The following SAMMSON variants were observed in gnomAD, a reference collection of about 807,000 sequenced individuals.
SAMMSON encodes survival associated mitochondrial melanoma specific oncogenic non-coding RNA, also known as long intergenic non-protein coding RNA 1212.
intron 4 of SAMMSON, among the ~76,000 whole-genome samples, chr3:70,100,669 A>G (rs2067341136): frequency 6.6e-6 from 1 of 152,194 alleles, no homozygotes. Context: ...CGTGAATCTG[A>G]ACGATATGTT....
At chr3:70,190,971 G>C (rs1182431600) in intron 4 of SAMMSON, among the ~76,000 whole-genome samples, 1 of 152,180 alleles carries the variant, frequency 6.6e-6, no homozygotes, top group African/African-American at 2.4e-5. Flanking sequence ...CTGGCCCCTA[G>C]TATTGCCAAC....
intron 7 of SAMMSON, among the ~76,000 whole-genome samples, chr3:70,306,083 T>G (rs1471731043): frequency 1.3e-5 from 2 of 152,134 alleles, no homozygotes; most frequent in Admixed American, 1.3e-4. Flanking sequence ...CCTCCAAAAT[T>G]CACCTAAATA....
At chr3:70,131,793 G>T (rs140926401) in intron 4 of SAMMSON, among the ~76,000 whole-genome samples, 1 of 151,880 alleles carries the variant, frequency 6.6e-6, no homozygotes, top group East Asian at 1.9e-4. Flanking sequence ...TAAATTGCTC[G>T]TCTAGAACTC....
chr3:70,271,052 A>G (rs1257097187), intron 6 of SAMMSON, among the ~76,000 whole-genome samples: 2 of 152,146 alleles, frequency 1.3e-5, no homozygotes, highest in African/African-American at 4.8e-5. Flanking sequence ...AGAAATATTG[A>G]AAATAAAAAA....
intron 3 of SAMMSON, among the ~76,000 whole-genome samples, chr3:70,017,127 G>C (rs1403742060): frequency 6.6e-6 from 1 of 152,156 alleles, no homozygotes; most frequent in Non-Finnish European, 1.5e-5. Flanking sequence ...TGTGAAGAAA[G>C]TCATCGGTAG....
At chr3:70,039,002 T>C (rs1422135611) in intron 3 of SAMMSON, among the ~76,000 whole-genome samples, 1 of 152,080 alleles carries the variant, frequency 6.6e-6, no homozygotes, top group Non-Finnish European at 1.5e-5. Context: ...AGGGATGTGG[T>C]TATGTTATAT....
chr3:70,429,972 T>C (rs1701400957), intron 2 of SAMMSON, among the ~76,000 whole-genome samples: 1 of 152,220 alleles, frequency 6.6e-6, no homozygotes, highest in Non-Finnish European at 1.5e-5. Context: ...TTATCTTGCC[T>C]GATTGCCCTG....
intron 7 of SAMMSON, among the ~76,000 whole-genome samples, chr3:70,309,576 G>A (rs536748158): frequency 9.2e-4 from 140 of 152,262 alleles, no homozygotes; most frequent in African/African-American, 3.2e-3. Context: ...TGGCTGAGCT[G>A]AGATTTAGAA....
At chr3:70,417,731 C>T (rs1701277522) in intron 2 of SAMMSON, among the ~76,000 whole-genome samples, 1 of 152,046 alleles carries the variant, frequency 6.6e-6, no homozygotes, top group Non-Finnish European at 1.5e-5. Context: ...TGATTATAGA[C>T]ACTTTGATCA....
chr3:70,357,088 A>G (rs1269008060), intron 8 of SAMMSON, among the ~76,000 whole-genome samples: 1 of 152,128 alleles, frequency 6.6e-6, no homozygotes, highest in East Asian at 1.9e-4. Flanking sequence ...TGGTGGTGCT[A>G]TTACAAACTT....
At chr3:70,031,558 G>C (rs966425396) in intron 3 of SAMMSON, among the ~76,000 whole-genome samples, 2 of 152,136 alleles carry the variant, frequency 1.3e-5, no homozygotes, top group African/African-American at 4.8e-5. Context: ...TAACACACAG[G>C]AGAGGGTGAA....
chr3:70,126,322 A>G, intron 4 of SAMMSON: 1 of 1,193,556 alleles, frequency 8.4e-7, no homozygotes, highest in South Asian at 1.3e-5. Flanking sequence ...TCTTTTGCAA[A>G]TTCAAAGACT....
Position 70,345,798 on chromosome 3 carries a change from C to T in SAMMSON, n.740-8377C>T, listed in dbSNP as rs538747380. Among the ~76,000 whole-genome samples the T allele has an allele frequency of 3.1e-4, 47 of 152,210 alleles. No homozygotes were observed. The South Asian group carries it at 9.3e-3, about 30-fold the overall frequency. On this transcript the variant is annotated intron_variant and non_coding_transcript_variant, in intron 7 of 9. Transcript: ENST00000642114. ...TTAGCGATAGCATTTAATACTGATC[C>T]ATATCTTCACATGGCTTGATAGCTT...
chr3:70,310,176 A>T (rs1702441872), intron 7 of SAMMSON, among the ~76,000 whole-genome samples: 2 of 152,112 alleles, frequency 1.3e-5, no homozygotes, highest in Admixed American at 1.3e-4. Context: ...AAAAGAAGTT[A>T]GAGAATTTTC....
rs1702860997 is a variant in SAMMSON at position 70,360,164 on chromosome 3, A to G, written n.913+1840A>G. 3.3e-5 allele frequency among the ~76,000 whole-genome samples: 5 copies of G among 152,178 alleles called. No homozygotes were observed. In the South Asian group the frequency reaches 1.0e-3, roughly 31 times the overall value. On this transcript the variant is annotated intron_variant and non_coding_transcript_variant, in intron 9 of 9. Transcript: ENST00000642114. ...AAGGGAGGGAGGGGGAAGATAAAGA[A>G]AAGCCAAAGATTTAATAGAAAGGAG...
chr3:70,056,435 C>G (rs761034412), intron 3 of SAMMSON, among the ~76,000 whole-genome samples: 2 of 151,976 alleles, frequency 1.3e-5, no homozygotes, highest in Non-Finnish European at 2.9e-5. Context: ...GTTCATCAAC[C>G]GTTCGGCTAC....
intron 4 of SAMMSON, among the ~76,000 whole-genome samples, chr3:70,217,808 G>A (rs964387467): frequency 5.9e-5 from 9 of 152,118 alleles, no homozygotes; most frequent in Admixed American, 5.9e-4. Flanking sequence ...TATTTAGCTA[G>A]TTCTGTCTCT....
intron 4 of SAMMSON, among the ~76,000 whole-genome samples, chr3:70,099,859 G>A (rs528628585): frequency 5.3e-5 from 8 of 152,140 alleles, no homozygotes; most frequent in South Asian, 2.1e-4. Flanking sequence ...ACCCTGCACC[G>A]TCCCTCTCTG....
At chr3:70,035,671 T>C (rs1004964275) in intron 3 of SAMMSON, among the ~76,000 whole-genome samples, 1 of 152,190 alleles carries the variant, frequency 6.6e-6, no homozygotes, top group Non-Finnish European at 1.5e-5. Context: ...TCTATTCTGC[T>C]GATTCTGCAT....
Sources: gnomAD v4.1 joint callset for allele counts (sites outside exome capture counted in the v4.1 genomes callset) on GRCh38, gnomAD v4.1.1 for gene constraint, MANE v1.5 for transcripts, NCBI Gene and HGNC (gene_info 2026-07-23, HGNC 2026-07-21) for gene names.